Variants in CNTN4 observed in about 807,000 individuals in gnomAD.
CNTN4 encodes the protein contactin 4.
A neutral mutation model predicts 122.5 loss-of-function variants in CNTN4; 77 were observed. The ratio of observed to expected loss-of-function variants is 0.63; its 90% CI spans 0.52 to 0.76. The LOEUF is 0.76. Ranked by LOEUF, CNTN4 falls within the 30% of genes least tolerant of loss-of-function variation. The pLI is 0.00. For missense variants in CNTN4, 1,256 were observed against 1,259.1 expected (o/e 1.00, Z 0.04); for synonymous variants, 512 against 447.0 (o/e 1.15, Z -1.83).
chr3:2,232,993 C>T (rs530869761), intron 2 of CNTN4, among the ~76,000 whole-genome samples: 10 of 152,242 alleles, frequency 6.6e-5, no homozygotes, highest in Admixed American at 2.6e-4. Context: ...TGAAATGAAT[C>T]GAGCACTTCT....
At chr3:3,052,317 C>T (rs1701348351) in intron 23 of CNTN4, among the ~76,000 whole-genome samples, 1 of 152,148 alleles carries the variant, frequency 6.6e-6, no homozygotes, top group Non-Finnish European at 1.5e-5. Context: ...TCCCTGGTCT[C>T]TCTATCCACT....
intron 10 of CNTN4, among the ~76,000 whole-genome samples, chr3:2,900,460 C>G (rs942724848): frequency 7.2e-5 from 11 of 152,088 alleles, no homozygotes; most frequent in African/African-American, 2.7e-4. Context: ...GTAGTTTTAT[C>G]CATTTTGCAT....
chr3:2,324,027 G>A (rs948515918), intron 2 of CNTN4, among the ~76,000 whole-genome samples: 1 of 152,180 alleles, frequency 6.6e-6, no homozygotes, highest in African/African-American at 2.4e-5. Flanking sequence ...GTTATGGGGA[G>A]CTCTCCTGTT....
chr3:2,643,268 TG>T (rs1436809872), intron 4 of CNTN4, among the ~76,000 whole-genome samples: 140 of 152,212 alleles, frequency 9.2e-4, no homozygotes, highest in African/African-American at 3.1e-3. Flanking sequence ...CTGCCTCCCA[TG>T]TTCAAGCAAT....
intron 2 of CNTN4, among the ~76,000 whole-genome samples, chr3:2,288,120 T>A (rs576433317): frequency 5.5e-4 from 84 of 152,344 alleles, no homozygotes; most frequent in African/African-American, 1.8e-3. Flanking sequence ...TAATCTGAAA[T>A]GCATTTGAAA....
chr3:2,518,286 G>A (rs534741851), intron 3 of CNTN4, among the ~76,000 whole-genome samples: 11 of 152,032 alleles, frequency 7.2e-5, no homozygotes, highest in Non-Finnish European at 1.5e-4. Context: ...AACCTTTAAT[G>A]TTCATCAAGG....
At chr3:2,238,458 G>C (rs1360191403) in intron 2 of CNTN4, among the ~76,000 whole-genome samples, 15 of 151,574 alleles carry the variant, frequency 9.9e-5, no homozygotes, top group Non-Finnish European at 2.2e-4. Context: ...AATTTCATTT[G>C]CTGATGTATA....
chr3:2,259,410 A>G (rs1369732989), intron 2 of CNTN4, among the ~76,000 whole-genome samples: 2 of 152,194 alleles, frequency 1.3e-5, no homozygotes, highest in Admixed American at 1.3e-4. Flanking sequence ...TGCAAATGTT[A>G]AGTGCCAAAG....
At chr3:2,851,994 T>C (rs1433467543) in intron 7 of CNTN4, among the ~76,000 whole-genome samples, 1 of 152,212 alleles carries the variant, frequency 6.6e-6, no homozygotes, top group Non-Finnish European at 1.5e-5. Flanking sequence ...AAGTAAAATC[T>C]AGTTGCTAAG....
chr3:3,056,823 T>G lies in CNTN4; in HGVS notation c.*603T>G, dbSNP rs533601022. The G allele has an allele frequency of 2.6e-5, 4 of 152,874 alleles. No individual in the cohort carries two copies. In the East Asian group the frequency reaches 7.7e-4, roughly 29 times the overall value. 9.5% of individuals were successfully genotyped at this position (152,874 alleles called of 1,614,324 possible). The stretch of plus-strand genomic sequence containing the variant: ...TTGTGATTTTGACATGTACAGTATG[T>G]TTTCATGCCGTTGTGAATTTTGTTG... On this transcript the variant is annotated 3_prime_UTR_variant, in exon 25 of 25. Transcript: ENST00000418658.
At chr3:2,384,538 T>C (rs539176565) in intron 3 of CNTN4, among the ~76,000 whole-genome samples, 1 of 152,338 alleles carries the variant, frequency 6.6e-6, no homozygotes, top group African/African-American at 2.4e-5. Context: ...ACACAATAGA[T>C]TGGGAAATCA....
intron 19 of CNTN4, 27 bp downstream of exon 19, chr3:3,039,030 C>A (rs747494194): frequency 1.3e-6 from 2 of 1,556,456 alleles, no homozygotes; most frequent in South Asian, 1.1e-5. Context: ...ATAAAAGGAA[C>A]GTACACGCAT....
intron 3 of CNTN4, among the ~76,000 whole-genome samples, chr3:2,465,443 G>A (rs1041924185): frequency 1.3e-4 from 20 of 152,242 alleles, no homozygotes; most frequent in African/African-American, 3.1e-4. Context: ...TTGGGAGGCC[G>A]AGATAGACGG....
chr3:2,708,727 T>TCTCACACACA lies in CNTN4; in HGVS notation c.56-27487_56-27486insTCACACACAC, dbSNP rs1214979217. On this transcript the variant is annotated intron_variant, in intron 4 of 24. Coordinates refer to ENST00000418658, the MANE Select transcript of CNTN4 (RefSeq NM_175607.3). ...GCACGCAGGCACGCGCACGCGCGCATCACACACACACACACACACACACAC... is the reference window on the plus strand; with the variant it reads ...GCACGCAGGCACGCGCACGCGCGCATCTCACACACACACACACACACACACACACACACAC... Among the ~76,000 whole-genome samples the TCTCACACACA allele has an allele frequency of 4.3e-3, 645 of 151,000 alleles. 4 individuals are homozygous for TCTCACACACA. The highest frequency in any genetic ancestry group is 0.015 in the African/African-American group (618 of 41,194).
intron 3 of CNTN4, among the ~76,000 whole-genome samples, chr3:2,482,617 G>A (rs2151596317): frequency 6.6e-6 from 1 of 152,258 alleles, no homozygotes; most frequent in South Asian, 2.1e-4. Context: ...TTCCTTGAAT[G>A]GGCCCAGGGA....
At chr3:2,384,535 A>G (rs2046163464) in intron 3 of CNTN4, among the ~76,000 whole-genome samples, 1 of 152,234 alleles carries the variant, frequency 6.6e-6, no homozygotes, top group Admixed American at 6.5e-5. Flanking sequence ...CTAACACAAT[A>G]GATTGGGAAA....
At chr3:2,452,691 T>A (rs1292302252) in intron 3 of CNTN4, among the ~76,000 whole-genome samples, 1 of 152,142 alleles carries the variant, frequency 6.6e-6, no homozygotes, top group Non-Finnish European at 1.5e-5. Context: ...ATCAATCACT[T>A]CTGTTTATGA....
At chr3:2,398,056 A>C (rs985600658) in intron 3 of CNTN4, among the ~76,000 whole-genome samples, 24 of 152,162 alleles carry the variant, frequency 1.6e-4, no homozygotes, top group African/African-American at 5.3e-4. Context: ...GAAACTGACA[A>C]ATTAAAAATT....
At chr3:2,477,057 G>A (rs1226016989) in intron 3 of CNTN4, among the ~76,000 whole-genome samples, 1 of 152,126 alleles carries the variant, frequency 6.6e-6, no homozygotes, top group Non-Finnish European at 1.5e-5. Flanking sequence ...GAATTGTTTT[G>A]ACAGCCTAAA....
Sources: gnomAD v4.1 joint callset for allele counts (sites outside exome capture counted in the v4.1 genomes callset) on GRCh38, gnomAD v4.1.1 for gene constraint, MANE v1.5 for transcripts, NCBI Gene and HGNC (gene_info 2026-07-23, HGNC 2026-07-21) for gene names.